The following GTF3C3 variants were observed in gnomAD, a reference collection of about 807,000 sequenced individuals.
GTF3C3 encodes general transcription factor 3C polypeptide 3.
GTF3C3 carries 75 observed loss-of-function variants against 105.2 expected under a neutral mutation model. That is an observed-to-expected ratio of 0.71 (90% CI 0.59 to 0.86). The LOEUF is 0.86. GTF3C3 is among the 40% of genes least tolerant of loss of function. GTF3C3 has a pLI of 0.00. For missense variants in GTF3C3, 856 were observed against 1,076.5 expected (o/e 0.80, Z 2.87); for synonymous variants, 335 against 370.4 (o/e 0.90, Z 1.10).
rs1311447282 is a variant in GTF3C3, at chr2:196,789,381, G to A, written c.728-12C>T. Reference sequence around the variant, plus strand: ...TTCATATTTAAGAGCTAAAAAGAAAGAAATACAAATTATTTACCACAAAAA... The same window carrying A: ...TTCATATTTAAGAGCTAAAAAGAAAAAAATACAAATTATTTACCACAAAAA... On this transcript the variant is annotated splice_polypyrimidine_tract_variant and intron_variant, in intron 5 of 17. Transcript: ENST00000263956. 1 of 1,564,466 alleles carries A rather than the reference G, an allele frequency of 6.4e-7. No individual in the cohort carries two copies. The highest frequency in any genetic ancestry group is 1.9e-5 in the Admixed American group (1 of 52,214).
chr2:196,780,854 T>C (rs879060544), intron 8 of GTF3C3, 192 bp from the exon 9 acceptor site: 1 of 549,524 alleles, frequency 1.8e-6, no homozygotes, highest in Non-Finnish European at 3.0e-6. Flanking sequence ...CTATTCGATT[T>C]CTAATACCTT....
chr2:196,769,705 G>A (rs1259010948), intron 16 of GTF3C3, among the ~76,000 whole-genome samples: 1 of 152,098 alleles, frequency 6.6e-6, no homozygotes, highest in Non-Finnish European at 1.5e-5. Flanking sequence ...AGATCTGGCT[G>A]TGTACCTTTA....
At chr2:196,795,052 G>GC (rs1699619390) in intron 2 of GTF3C3, among the ~76,000 whole-genome samples, 2 of 146,266 alleles carry the variant, frequency 1.4e-5, no homozygotes, top group Non-Finnish European at 1.5e-5. Context: ...GTTTTGTTTT[G>GC]TTTTTTTTAG....
chr2:196,773,489 C>T (rs956034204), intron 13 of GTF3C3, among the ~76,000 whole-genome samples: 1 of 152,112 alleles, frequency 6.6e-6, no homozygotes, highest in African/African-American at 2.4e-5. Context: ...GACTGTAATC[C>T]CATAGGGAAG....
intron 13 of GTF3C3, among the ~76,000 whole-genome samples, chr2:196,774,821 AATCTT>A (rs1391710398): frequency 1.3e-5 from 2 of 152,226 alleles, no homozygotes; most frequent in Non-Finnish European, 2.9e-5. Flanking sequence ...ACTGTCATCT[AATCTT>A]CACAAATTTC....
At chr2:196,778,855 T>A in intron 10 of GTF3C3, 41 bp downstream of exon 10, 1 of 1,554,474 alleles carries the variant, frequency 6.4e-7, no homozygotes, top group Non-Finnish European at 8.9e-7. Context: ...TCTTGGCTGC[T>A]TATATGATTA....
At chr2:196,774,473 C>T (rs905161994) in intron 13 of GTF3C3, among the ~76,000 whole-genome samples, 5 of 152,120 alleles carry the variant, frequency 3.3e-5, no homozygotes, top group African/African-American at 1.2e-4. Flanking sequence ...TTCATCCTAT[C>T]CTGGTACACC....
At chr2:196,768,876 A>G (rs1699118315) in intron 16 of GTF3C3, among the ~76,000 whole-genome samples, 1 of 152,088 alleles carries the variant, frequency 6.6e-6, no homozygotes, top group Non-Finnish European at 1.5e-5. Context: ...TTTCCTATCA[A>G]TTTTTACCAG....
At chr2:196,772,883 G>C (rs758936735) in intron 14 of GTF3C3, 33 bp downstream of exon 14, 1 of 1,076,638 alleles carries the variant, frequency 9.3e-7, no homozygotes, top group African/African-American at 1.6e-5. Flanking sequence ...CTCTATTAAA[G>C]AATCTAATTA....
At chr2:196,779,781 G>A (rs1015133914) in intron 9 of GTF3C3, among the ~76,000 whole-genome samples, 11 of 152,178 alleles carry the variant, frequency 7.2e-5, no homozygotes, top group Non-Finnish European at 1.6e-4. Flanking sequence ...CTGGGCTCAA[G>A]CAATCCTCCC....
intron 8 of GTF3C3, 39 bp from the exon 9 acceptor site, chr2:196,780,701 A>G (rs753313510): frequency 6.3e-7 from 1 of 1,592,296 alleles, no homozygotes; most frequent in South Asian, 1.1e-5. Flanking sequence ...ACTATATGCA[A>G]GCTTGAGATG....
At chr2:196,778,805 C>G in intron 10 of GTF3C3, 91 bp downstream of exon 10, 2 of 1,168,068 alleles carry the variant, frequency 1.7e-6, no homozygotes, top group African/African-American at 1.5e-5. Context: ...ACCAGAAACA[C>G]TTGCACTATA....
chr2:196,784,628 A>C (rs1355496145), intron 8 of GTF3C3: 1 of 159,192 alleles, frequency 6.3e-6, no homozygotes, highest in African/African-American at 2.4e-5. Flanking sequence ...GAAAAATGCC[A>C]TGTTCAAATG....
chr2:196,785,418 G>C (rs200766593), intron 7 of GTF3C3, 23 bp downstream of exon 7: 24 of 1,317,466 alleles, frequency 1.8e-5, no homozygotes, highest in Admixed American at 8.5e-5. Flanking sequence ...AAACTTAACA[G>C]AGAAACACAT....
chr2:196,779,043 G>C lies in GTF3C3; in HGVS notation c.1243C>G (p.Gln415Glu). 3 of 1,613,334 alleles carry C rather than the reference G, an allele frequency of 1.9e-6. No homozygotes were observed. The African/African-American group carries it at 4.0e-5, about 22-fold the overall frequency. The change falls in exon 10 of 18, where the codon CAG (glutamine) becomes GAG (glutamate). Residue 415 changes from glutamine to glutamate, a missense_variant. This residue lies in a region of GTF3C3 where 605 missense variants were observed against 833.6 expected (regional missense o/e 0.73). Transcript: ENST00000263956. ...AGGTCTCCCATATCTTCAGGATTCT[G>C]TTCTACTAGTGTTGTCAAGAGAGGC... ...LNPLLTTLVE[Q>E]NPEDMGDLYL...
Position 196,764,060 on chromosome 2 carries a change from ATTAT to A in GTF3C3, c.*499_*502del, listed in dbSNP as rs1211860712. ...ATGCTGGTGAAAAGTAAAAAACTAA[ATTAT>A]TTGTCTTTCTGCCTACCACATAACT... is the stretch of plus-strand genomic sequence containing the variant. On this transcript the variant is annotated 3_prime_UTR_variant, in exon 18 of 18. Transcript: ENST00000263956. The A allele has an allele frequency of 6.6e-6, 1 of 152,256 alleles. No individual in the cohort carries two copies. Among genetic ancestry groups the A allele is most frequent in the Non-Finnish European group, 1.5e-5 (1 of 68,046 alleles). The allele number at this position is 152,256 out of a possible 1,614,324, so 9.4% of individuals were successfully genotyped here. A position where few individuals can be genotyped will look rare whatever the true frequency, so the allele number is the denominator to read the frequency against.
Position 196,789,248 on chromosome 2 carries a change from T to C in GTF3C3, c.849A>G (p.Pro283=). The C allele has an allele frequency of 6.2e-7, 1 of 1,613,260 alleles. No homozygotes were observed. The highest frequency in any genetic ancestry group is 1.6e-4 in the Middle Eastern group (1 of 6,062). The change falls in exon 6 of 18, where the codon CCA becomes CCG. Residue 283 remains proline (P), a synonymous_variant. Transcript: ENST00000263956. ...GYRRILNLLS[P]SDGERFMQLA... ...GCTGCATAAAACGTTCGCCATCAGA[T>C]GGAGACAAAAGGTTTAAAATACGCC...
chr2:196,794,745 T>A (rs1699611268), intron 2 of GTF3C3, among the ~76,000 whole-genome samples: 1 of 145,590 alleles, frequency 6.9e-6, no homozygotes, highest in Admixed American at 6.8e-5. Context: ...AAAAACTCTT[T>A]TTTTTTTGAG....
intron 16 of GTF3C3, among the ~76,000 whole-genome samples, chr2:196,769,458 T>C (rs1165147357): frequency 6.6e-6 from 1 of 152,210 alleles, no homozygotes; most frequent in Non-Finnish European, 1.5e-5. Flanking sequence ...GCCATTAAGG[T>C]AGACAACAAG....
Sources: allele counts gnomAD v4.1 joint callset (sites outside exome capture counted in the v4.1 genomes callset), GRCh38; gene constraint gnomAD v4.1.1; regional missense constraint gnomAD v4.1.1; transcripts MANE v1.5; gene names NCBI Gene and HGNC (gene_info 2026-07-23, HGNC 2026-07-21).